The following SPATA9 variants were observed in gnomAD, a reference collection of about 807,000 sequenced individuals.
SPATA9 encodes the protein spermatogenesis-associated protein 9.
SPATA9 carries 27 observed loss-of-function variants against 25.5 expected under a neutral mutation model. The observed-to-expected ratio is 1.06, with a 90% CI of 0.78 to 1.46. SPATA9 has a LOEUF of 1.46. SPATA9 is among the 40% of genes most tolerant of loss of function. SPATA9 has a pLI of 0.00. For missense variants in SPATA9, 282 were observed against 297.5 expected (o/e 0.95, Z 0.38); for synonymous variants, 102 against 105.7 (o/e 0.97, Z 0.21).
chr5:95,726,592 G>A, the SPATA9 span, among the ~76,000 whole-genome samples: 1 of 152,102 alleles, frequency 6.6e-6, no homozygotes, highest in Non-Finnish European at 1.5e-5. Context: ...CATTATTTTG[G>A]TCAACTTCTT....
intron 4 of SPATA9, among the ~76,000 whole-genome samples, chr5:95,661,583 C>A (rs939941029): frequency 1.3e-5 from 2 of 152,090 alleles, no homozygotes; most frequent in African/African-American, 2.4e-5. Context: ...TCATCCTGTT[C>A]ATTTTGTGCA....
At chr5:95,684,229 AAT>A (rs563521508), upstream of SPATA9, among the ~76,000 whole-genome samples, 206 of 152,332 alleles carry the variant, frequency 1.4e-3, 1 homozygote, top group Non-Finnish European at 2.2e-3. Context: ...GACAATGATG[AAT>A]ACACACGCTG....
the SPATA9 span, among the ~76,000 whole-genome samples, chr5:95,723,217 C>T: frequency 6.6e-6 from 1 of 152,112 alleles, no homozygotes; most frequent in Non-Finnish European, 1.5e-5. Flanking sequence ...ATAAAAATCT[C>T]ATAATGTTTT....
At chr5:95,706,916 CAAT>C in the SPATA9 span, among the ~76,000 whole-genome samples, 5 of 151,870 alleles carry the variant, frequency 3.3e-5, no homozygotes, top group Admixed American at 6.6e-5. Flanking sequence ...ATTAAAGAGA[CAAT>C]AAGATCCCTG....
At chr5:95,723,606 G>A in the SPATA9 span, among the ~76,000 whole-genome samples, 1 of 152,078 alleles carries the variant, frequency 6.6e-6, no homozygotes, top group Non-Finnish European at 1.5e-5. Flanking sequence ...GTGTAAATTT[G>A]CACACTTTAT....
At chr5:95,667,349 CTGT>C (rs1434223197) in intron 3 of SPATA9, among the ~76,000 whole-genome samples, 1 of 151,854 alleles carries the variant, frequency 6.6e-6, no homozygotes, top group African/African-American at 2.4e-5. Flanking sequence ...TGGGGAAAGG[CTGT>C]TTTCTTTCTT....
intron 1 of SPATA9, among the ~76,000 whole-genome samples, chr5:95,691,703 T>C (rs1283522886): frequency 1.3e-5 from 2 of 152,226 alleles, no homozygotes; most frequent in Non-Finnish European, 2.9e-5. Flanking sequence ...TCTCCTATTT[T>C]ATTGTGTTTG....
At chr5:95,685,762 A>G (rs1753726521), upstream of SPATA9, among the ~76,000 whole-genome samples, 1 of 152,210 alleles carries the variant, frequency 6.6e-6, no homozygotes, top group Non-Finnish European at 1.5e-5. Context: ...TTTTGAACAC[A>G]ATCTAAAAGT....
intron 1 of SPATA9, among the ~76,000 whole-genome samples, chr5:95,695,990 T>C (rs562571051): frequency 6.6e-6 from 1 of 152,226 alleles, no homozygotes; most frequent in Non-Finnish European, 1.5e-5. Context: ...AGCTGTCCTA[T>C]GGAAAGATCC....
chr5:95,682,707 A>G, intron 1 of SPATA9, 87 bp downstream of exon 1: 2 of 1,503,718 alleles, frequency 1.3e-6, no homozygotes, highest in Non-Finnish European at 1.8e-6. Flanking sequence ...AAATTCCTAG[A>G]TGACTCGGAA....
the SPATA9 span, among the ~76,000 whole-genome samples, chr5:95,707,628 C>T: frequency 6.6e-6 from 1 of 152,156 alleles, no homozygotes; most frequent in Non-Finnish European, 1.5e-5. Flanking sequence ...TGGGCGTTAT[C>T]AATCAGATGA....
At chr5:95,711,647 G>A in the SPATA9 span, among the ~76,000 whole-genome samples, 1 of 152,208 alleles carries the variant, frequency 6.6e-6, no homozygotes, top group East Asian at 1.9e-4. Context: ...CAAGTTGGTT[G>A]TAAGGCGGTG....
the SPATA9 span, among the ~76,000 whole-genome samples, chr5:95,722,124 A>G: frequency 2.0e-5 from 3 of 152,304 alleles, no homozygotes; most frequent in South Asian, 6.2e-4. Context: ...AACATTTCTA[A>G]GCATATTTGT....
chr5:95,700,314 T>G (rs111284008), upstream of SPATA9, among the ~76,000 whole-genome samples: 2 of 152,084 alleles, frequency 1.3e-5, no homozygotes, highest in South Asian at 4.2e-4. Context: ...TTTTTTTTTT[T>G]GTTTAGATGG....
the SPATA9 span, among the ~76,000 whole-genome samples, chr5:95,715,091 C>A: frequency 1.3e-5 from 2 of 151,974 alleles, no homozygotes; most frequent in East Asian, 3.9e-4. Flanking sequence ...TTTGGGAGGC[C>A]AAGGCGGGCA....
chr5:95,653,358 C>A, downstream of SPATA9: 2 of 1,179,358 alleles, frequency 1.7e-6, no homozygotes, highest in Non-Finnish European at 1.2e-6. Flanking sequence ...TTCAGACAAT[C>A]AAAGAATCCT....
chr5:95,665,515 G>T (rs1751705402), intron 3 of SPATA9, among the ~76,000 whole-genome samples: 1 of 152,142 alleles, frequency 6.6e-6, no homozygotes, highest in Admixed American at 6.5e-5. Flanking sequence ...CATTTAATGT[G>T]ATCTCCAGAT....
chr5:95,664,524 G>A (rs945810866), intron 3 of SPATA9, among the ~76,000 whole-genome samples: 1 of 152,156 alleles, frequency 6.6e-6, no homozygotes, highest in African/African-American at 2.4e-5. Context: ...TGATCATTAA[G>A]CTTCAGAAAA....
chr5:95,719,534 A>G, the SPATA9 span: 1 of 152,254 alleles, frequency 6.6e-6, no homozygotes, highest in East Asian at 1.9e-4. Flanking sequence ...GATACTGGGT[A>G]GTGAGCAGTA....
Sources: gnomAD v4.1 joint callset for allele counts (sites outside exome capture counted in the v4.1 genomes callset) on GRCh38, gnomAD v4.1.1 for gene constraint, MANE v1.5 for transcripts, NCBI Gene and HGNC (gene_info 2026-07-23, HGNC 2026-07-21) for gene names.